UPP2: variants seen among roughly 807,000 people sequenced by gnomAD.
The protein encoded by UPP2 is UPase 2.
In UPP2, 23 loss-of-function variants were observed where a neutral mutation model predicts 26.7. That is an observed-to-expected ratio of 0.86 (90% confidence interval 0.62 to 1.22). The LOEUF (loss-of-function observed/expected upper bound fraction) is 1.22, where lower values mean the gene tolerates loss of function less well. UPP2 is among the 50% of genes most tolerant of loss of function. The probability of loss-of-function intolerance (pLI) is 0.00; values close to 1 mark genes in which losing one functional copy is unlikely to be tolerated. For missense variants in UPP2, 387 were observed against 396.7 expected, an observed-to-expected ratio of 0.98 and a Z score of 0.21; for synonymous variants, 127 against 141.3, an observed-to-expected ratio of 0.90 and a Z score of 0.72.
upstream of UPP2, among the ~76,000 whole-genome samples, chr2:158,099,097 G>A (rs562505232): frequency 1.3e-5 from 2 of 152,312 alleles, no homozygotes; most frequent in East Asian, 3.9e-4. Context: ...TTAACATACA[G>A]AAGGTTAGTA....
intron 2 of UPP2, among the ~76,000 whole-genome samples, chr2:158,001,875 A>G (rs1481233813): frequency 7.2e-6 from 1 of 139,578 alleles, no homozygotes; most frequent in Non-Finnish European, 1.5e-5. Flanking sequence ...TTTGTTCTTT[A>G]GTTGTATCCC....
chr2:158,003,723 A>AAT (rs1019250794), intron 2 of UPP2, among the ~76,000 whole-genome samples: 1 of 151,590 alleles, frequency 6.6e-6, no homozygotes, highest in African/African-American at 2.4e-5. Context: ...ATAAAAAAAA[A>AAT]AAAAAAAGAG....
intron 6 of UPP2, chr2:158,126,777 T>C (rs1160568096): frequency 5.3e-5 from 8 of 152,134 alleles, no homozygotes; most frequent in Non-Finnish European, 7.3e-5. Flanking sequence ...CATCTGATGG[T>C]AAGCAATATG....
intron 3 of UPP2, among the ~76,000 whole-genome samples, chr2:158,086,862 T>C (rs906524323): frequency 2.0e-5 from 3 of 152,190 alleles, no homozygotes; most frequent in Admixed American, 1.3e-4. Flanking sequence ...GAGTACTTGA[T>C]ATAATTTTGG....
At chr2:158,115,052 G>T (rs1380999207) in intron 2 of UPP2, 49 bp from the exon 3 acceptor site, 1 of 1,522,772 alleles carries the variant, frequency 6.6e-7, no homozygotes, top group Non-Finnish European at 8.8e-7. Context: ...CTGACCCGTG[G>T]TTCTTATCCC....
At chr2:158,019,854 G>A (rs1352978674) in intron 3 of UPP2, among the ~76,000 whole-genome samples, 2 of 152,074 alleles carry the variant, frequency 1.3e-5, no homozygotes, top group African/African-American at 4.8e-5. Context: ...TGATAGATCT[G>A]TATCCTGAAG....
chr2:158,129,829 G>A (rs1196962519), intron 6 of UPP2, among the ~76,000 whole-genome samples: 1 of 151,246 alleles, frequency 6.6e-6, no homozygotes, highest in Non-Finnish European at 1.5e-5. Flanking sequence ...ACAGTGGTAT[G>A]ACCACAGCTC....
chr2:158,084,993 A>G (rs1317815627), intron 3 of UPP2, among the ~76,000 whole-genome samples: 1 of 152,040 alleles, frequency 6.6e-6, no homozygotes, highest in Non-Finnish European at 1.5e-5. Context: ...TTTTTGTTAC[A>G]TATGAATTTT....
At chr2:158,047,474 G>T (rs1043421933) in intron 3 of UPP2, among the ~76,000 whole-genome samples, 3 of 152,176 alleles carry the variant, frequency 2.0e-5, no homozygotes, top group Admixed American at 2.0e-4. Context: ...CTGATATAAG[G>T]ATTTTGTAGC....
chr2:158,130,074 G>C (rs1683781001), intron 6 of UPP2, among the ~76,000 whole-genome samples: 4 of 152,138 alleles, frequency 2.6e-5, no homozygotes, highest in African/African-American at 9.7e-5. Flanking sequence ...ACAGGCATGA[G>C]CCACTGTGTC....
chr2:158,048,725 T>G (rs1682095424), intron 3 of UPP2, among the ~76,000 whole-genome samples: 1 of 152,248 alleles, frequency 6.6e-6, no homozygotes, highest in Admixed American at 6.5e-5. Flanking sequence ...TTAAAGAGTA[T>G]TAAAAAATTG....
At chr2:158,064,307 A>G (rs1171623586) in intron 3 of UPP2, among the ~76,000 whole-genome samples, 5 of 152,184 alleles carry the variant, frequency 3.3e-5, no homozygotes, top group African/African-American at 9.7e-5. Flanking sequence ...GTGAGATGGT[A>G]TCTCATTGTG....
intron 3 of UPP2, among the ~76,000 whole-genome samples, chr2:158,027,002 C>T (rs1037966311): frequency 6.6e-6 from 1 of 152,162 alleles, no homozygotes; most frequent in Non-Finnish European, 1.5e-5. Flanking sequence ...AATTATCTCG[C>T]ACCGGGTCCC....
chr2:158,102,960 T>C (rs142569069), intron 1 of UPP2, among the ~76,000 whole-genome samples: 17 of 152,370 alleles, frequency 1.1e-4, no homozygotes, highest in African/African-American at 4.1e-4. Flanking sequence ...TACCAATATT[T>C]AATACTCATC....
chr2:158,116,865 C>T (rs1299417875), intron 3 of UPP2, among the ~76,000 whole-genome samples: 1 of 149,188 alleles, frequency 6.7e-6, no homozygotes, highest in African/African-American at 2.4e-5. Flanking sequence ...GCTTACTAAA[C>T]ATTTGAAAGT....
At chr2:158,008,677 C>T (rs992808674) in intron 2 of UPP2, among the ~76,000 whole-genome samples, 2 of 152,166 alleles carry the variant, frequency 1.3e-5, no homozygotes, top group East Asian at 1.9e-4. Context: ...CAATTTGGAT[C>T]ATTATTCTCT....
At chr2:158,108,313 T>C (rs1226740418) in intron 2 of UPP2, among the ~76,000 whole-genome samples, 1 of 152,178 alleles carries the variant, frequency 6.6e-6, no homozygotes, top group Non-Finnish European at 1.5e-5. Flanking sequence ...AATATATACA[T>C]AGTGTTATAA....
chr2:158,034,063 C>T (rs1041711806), intron 3 of UPP2, among the ~76,000 whole-genome samples: 2 of 152,184 alleles, frequency 1.3e-5, no homozygotes, highest in African/African-American at 4.8e-5. Context: ...TAAGGCTCCA[C>T]ACTTGGAAGT....
At chr2:158,014,766 A>G (rs1683633886) in intron 2 of UPP2, among the ~76,000 whole-genome samples, 1 of 152,196 alleles carries the variant, frequency 6.6e-6, no homozygotes, top group Non-Finnish European at 1.5e-5. Context: ...AACTTCCACC[A>G]CATCTTCTCC....
Sources: gnomAD v4.1 joint callset for allele counts (sites outside exome capture counted in the v4.1 genomes callset) on GRCh38, gnomAD v4.1.1 for gene constraint, MANE v1.5 for transcripts, NCBI Gene and HGNC (gene_info 2026-07-23, HGNC 2026-07-21) for gene names.